The following CPS1 variants were observed in gnomAD, a reference collection of about 807,000 sequenced individuals.
The protein encoded by CPS1 is carbamoyl-phosphate synthase [ammonia], mitochondrial.
A neutral mutation model predicts 174.6 loss-of-function variants in CPS1; 109 were observed. That is an observed-to-expected ratio of 0.62 (90% confidence interval 0.53 to 0.73). The LOEUF is 0.73. CPS1 is among the 30% of genes least tolerant of loss of function. The pLI is 0.00. For missense variants in CPS1, 1,689 were observed against 1,821.9 expected, an observed-to-expected ratio of 0.93 and a Z score of 1.33; for synonymous variants, 637 against 632.0, an observed-to-expected ratio of 1.01 and a Z score of -0.12.
chr2:210,600,330 G>A (rs1245187427), intron 14 of CPS1, among the ~76,000 whole-genome samples: 1 of 151,800 alleles, frequency 6.6e-6, no homozygotes, highest in African/African-American at 2.4e-5. Context: ...GGATAAAAAT[G>A]ATTTTCAGAA....
intron 21 of CPS1, among the ~76,000 whole-genome samples, chr2:210,624,402 C>T (rs901447131): frequency 6.6e-6 from 1 of 152,068 alleles, no homozygotes; most frequent in African/African-American, 2.4e-5. Context: ...TTTCAGTCTT[C>T]ATACTCCAAG....
At chr2:210,530,939 A>G (rs933663992) in intron 1 of CPS1, among the ~76,000 whole-genome samples, 8 of 152,020 alleles carry the variant, frequency 5.3e-5, no homozygotes, top group African/African-American at 9.7e-5. Context: ...TTGGACAACA[A>G]TTGCCTTAGT....
chr2:210,627,448 G>A (rs960048623), intron 21 of CPS1, among the ~76,000 whole-genome samples: 1 of 152,042 alleles, frequency 6.6e-6, no homozygotes, highest in Non-Finnish European at 1.5e-5. Flanking sequence ...TTAAATTTAC[G>A]CAAAATAGGC....
chr2:210,646,526 G>A (rs1170872854), intron 25 of CPS1, among the ~76,000 whole-genome samples: 1 of 152,008 alleles, frequency 6.6e-6, no homozygotes, highest in Non-Finnish European at 1.5e-5. Flanking sequence ...TTTAAATAAT[G>A]ACAAAATATA....
chr2:210,677,111 G>T lies in CPS1; in HGVS notation c.4379G>T (p.Gly1460Val). 1 of 1,613,812 alleles carries T rather than the reference G, an allele frequency of 6.2e-7. No individual in the cohort carries two copies. The highest frequency in any genetic ancestry group is 8.5e-7 in the Non-Finnish European group (1 of 1,179,796). The change falls in exon 37 of 38, where the codon GGA (glycine) becomes GTA (valine). Residue 1460 changes from glycine to valine, a missense_variant. Transcript: ENST00000233072. ...YVIRRTAVDS[G>V]IPLLTNFQVT... Reference sequence around the variant, plus strand: ...ATTCGGAGGACAGCTGTTGATAGTGGAATCCCTCTCCTCACTAATTTTCAG... The same window carrying T: ...ATTCGGAGGACAGCTGTTGATAGTGTAATCCCTCTCCTCACTAATTTTCAG...
At chr2:210,515,080 C>T (rs1012679312) in intron 1 of CPS1, among the ~76,000 whole-genome samples, 1 of 151,656 alleles carries the variant, frequency 6.6e-6, no homozygotes, top group Non-Finnish European at 1.5e-5. Flanking sequence ...TTTCAATATG[C>T]TGTTGAATTT....
At chr2:210,542,332 G>T (rs1276451552) in intron 1 of CPS1, among the ~76,000 whole-genome samples, 1 of 151,990 alleles carries the variant, frequency 6.6e-6, no homozygotes, top group African/African-American at 2.4e-5. Context: ...TTCCTGCTGT[G>T]GTTGTCTAAT....
chr2:210,554,520 T>C, upstream of CPS1, among the ~76,000 whole-genome samples: 1 of 151,910 alleles, frequency 6.6e-6, no homozygotes, highest in Middle Eastern at 3.2e-3. Context: ...GACTCCTCAG[T>C]ACTTCCACTG....
intron 9 of CPS1, 82 bp from the exon 10 acceptor site, chr2:210,591,749 G>T: frequency 1.3e-6 from 2 of 1,484,310 alleles, no homozygotes; most frequent in Non-Finnish European, 1.9e-6. Context: ...GGCTTTACTT[G>T]TTCACTACTT....
chr2:210,480,447 A>G (rs993659927), intron 1 of CPS1, among the ~76,000 whole-genome samples: 3 of 152,222 alleles, frequency 2.0e-5, no homozygotes, highest in Non-Finnish European at 2.9e-5. Context: ...TTAGTAACTG[A>G]TAGCCCCTGT....
rs1698690768 is a variant in CPS1, at chr2:210,600,678, A to G, written c.1673A>G (p.Asn558Ser). 7.4e-6 allele frequency: 12 copies of G among 1,612,060 alleles called. No homozygotes were observed. The highest frequency in any genetic ancestry group is 3.3e-5 in the South Asian group (3 of 91,040). The stretch of plus-strand genomic sequence containing the variant: ...TTTTCAGATAAACTAAATGAGATCA[A>G]TGAAAAGATTGCTCCAAGTTTTGCA... Reference protein sequence around the residue: ...QLFSDKLNEINEKIAPSFAVE... With the variant: ...QLFSDKLNEISEKIAPSFAVE... The change falls in exon 15 of 38, where the codon AAT becomes AGT. Residue 558 changes from asparagine to serine, a missense_variant. Asn to Ser is a conservative substitution (Grantham distance 46, BLOSUM62 1). Coordinates refer to ENST00000233072, the MANE Select transcript of CPS1 (RefSeq NM_001875.5).
In CPS1 at chr2:210,600,718, G is replaced by A. The variant is rs765818087; in HGVS notation, c.1707+6G>A. 1.2e-6 allele frequency: 2 copies of A among 1,611,636 alleles called. No homozygotes were observed. Among genetic ancestry groups the A allele is most frequent in the Admixed American group, 3.3e-5 (2 of 59,820 alleles). ...CAAGTTTTGCAGTGGAATCGGTAAG[G>A]ATTCTTTGCTTTGGAAAAACAAGGG... On this transcript the variant is annotated splice_donor_region_variant and intron_variant, in intron 15 of 37. Coordinates refer to ENST00000233072, the MANE Select transcript of CPS1 (RefSeq NM_001875.5).
intron 1 of CPS1, among the ~76,000 whole-genome samples, chr2:210,536,714 T>C (rs1352820206): frequency 1.3e-5 from 2 of 152,172 alleles, no homozygotes; most frequent in Non-Finnish European, 2.9e-5. Context: ...GAACTACAAA[T>C]ACCAACTGTG....
chr2:210,569,783 T>C (rs142422704), intron 1 of CPS1, among the ~76,000 whole-genome samples: 2 of 152,144 alleles, frequency 1.3e-5, no homozygotes, highest in Admixed American at 1.3e-4. Flanking sequence ...ATATAATCCT[T>C]TGGTTACTTT....
Position 210,663,111 on chromosome 2 carries a change from T to A in CPS1, c.3928-12T>A. On this transcript the variant is annotated splice_polypyrimidine_tract_variant and intron_variant, in intron 32 of 37. Transcript: ENST00000233072. ...ACATAATTTTTCTCCCTGTTTTTTT[T>A]TTTTCCAACAGGCTCCCATGTTTTC... 1 of 1,613,806 alleles carries A rather than the reference T, an allele frequency of 6.2e-7. No individual in the cohort carries two copies. Among genetic ancestry groups the A allele is most frequent in the South Asian group, 1.1e-5 (1 of 91,066 alleles).
intron 33 of CPS1, among the ~76,000 whole-genome samples, chr2:210,667,621 T>C (rs1701143847): frequency 6.6e-6 from 1 of 152,274 alleles, no homozygotes; most frequent in East Asian, 1.9e-4. Context: ...AAAATGATGT[T>C]TTTAAAAAAC....
chr2:210,600,904 A>G (rs915632736), intron 15 of CPS1, among the ~76,000 whole-genome samples, 192 bp downstream of exon 15: 1 of 151,934 alleles, frequency 6.6e-6, no homozygotes, highest in Non-Finnish European at 1.5e-5. Context: ...TTAACATTTT[A>G]CTTTATGCAA....
exon 1 of CPS1, chr2:210,477,715 T>A: frequency 1.2e-6 from 2 of 1,610,012 alleles, no homozygotes; most frequent in Non-Finnish European, 1.7e-6. Flanking sequence ...TTAGGAAATG[T>A]AGTTGCTTTC....
intron 2 of CPS1, 70 bp downstream of exon 2, chr2:210,573,477 T>C (rs1697584975): frequency 8.3e-7 from 1 of 1,206,674 alleles, no homozygotes; most frequent in African/African-American, 1.5e-5. Context: ...TCACTCATGG[T>C]GGTAAGTTGA....
Sources: allele counts gnomAD v4.1 joint callset (sites outside exome capture counted in the v4.1 genomes callset), GRCh38; gene constraint gnomAD v4.1.1; transcripts MANE v1.5; gene names NCBI Gene and HGNC (gene_info 2026-07-23, HGNC 2026-07-21).